The following COL25A1 variants were observed in gnomAD, a reference collection of about 807,000 sequenced individuals.
The protein encoded by COL25A1 is collagen type XXV alpha 1 chain.
Under a neutral mutation model 128.4 loss-of-function variants are expected in COL25A1, and 103 were observed. The observed-to-expected ratio is 0.80, with a 90% CI of 0.68 to 0.94. The LOEUF is 0.94. Ranked by LOEUF, COL25A1 falls within the 40% of genes least tolerant of loss-of-function variation. The pLI is 0.00. For synonymous variants in COL25A1, 279 were observed against 277.2 expected (o/e 1.01, Z -0.06); for missense variants, 745 against 840.0 (o/e 0.89, Z 1.40).
At chr4:108,941,861 C>T (rs1230744428) in intron 8 of COL25A1, among the ~76,000 whole-genome samples, 1 of 152,144 alleles carries the variant, frequency 6.6e-6, no homozygotes, top group African/African-American at 2.4e-5. Context: ...TTATTGACGC[C>T]TGAAGTCCAG....
At chr4:109,045,871 G>A (rs972427707) in intron 5 of COL25A1, among the ~76,000 whole-genome samples, 19 of 151,890 alleles carry the variant, frequency 1.3e-4, no homozygotes, top group African/African-American at 4.6e-4. Flanking sequence ...AGTCAAGGTG[G>A]GACAGTATCA....
intron 3 of COL25A1, among the ~76,000 whole-genome samples, chr4:109,090,662 T>G (rs1023698741): frequency 6.6e-6 from 1 of 152,206 alleles, no homozygotes; most frequent in Non-Finnish European, 1.5e-5. Context: ...CTTTACTACT[T>G]AGTTTCACCC....
chr4:109,076,149 G>C (rs1168177746), intron 3 of COL25A1, among the ~76,000 whole-genome samples: 2 of 152,108 alleles, frequency 1.3e-5, no homozygotes, highest in Admixed American at 6.5e-5. Flanking sequence ...TCAGAAACTT[G>C]AGCATCCATG....
At chr4:109,096,977 A>G (rs1206851942) in intron 3 of COL25A1, among the ~76,000 whole-genome samples, 2 of 152,220 alleles carry the variant, frequency 1.3e-5, no homozygotes, top group African/African-American at 4.8e-5. Flanking sequence ...AGCAGGTTGT[A>G]TAAGGTAGGA....
At chr4:108,824,728 T>A (rs977367583) in intron 34 of COL25A1, among the ~76,000 whole-genome samples, 1 of 152,210 alleles carries the variant, frequency 6.6e-6, no homozygotes. Context: ...TGATTGTGTC[T>A]AGAGGCATTT....
intron 3 of COL25A1, among the ~76,000 whole-genome samples, chr4:109,095,032 C>T (rs1162605311): frequency 2.6e-5 from 4 of 152,200 alleles, no homozygotes; most frequent in African/African-American, 9.6e-5. Flanking sequence ...TAACCAACCA[C>T]CATTAGTTGC....
chr4:109,059,229 G>T (rs971511859), intron 3 of COL25A1, among the ~76,000 whole-genome samples: 2 of 152,170 alleles, frequency 1.3e-5, no homozygotes, highest in Non-Finnish European at 2.9e-5. Flanking sequence ...CTAGTTGTGT[G>T]ATCTCAATAC....
Position 108,854,143 on chromosome 4 carries a change from G to T in COL25A1, c.1321-1218C>A, listed in dbSNP as rs1736176634. 2.0e-5 allele frequency: 3 copies of T among 152,172 alleles called. No homozygotes were observed. In the South Asian group the frequency reaches 6.2e-4, roughly 31 times the overall value. The allele number at this position is 152,172 out of a possible 1,614,324, so 9.4% of individuals were successfully genotyped here. A position where few individuals can be genotyped will look rare whatever the true frequency, so the allele number is the denominator to read the frequency against. ...AAGGATTTCCTATTTAATAAATGGT[G>T]TTGGGAAAACTGGCTAGCCATATGC... On this transcript the variant is annotated intron_variant, in intron 24 of 37. Transcript: ENST00000399132.
At chr4:109,263,543 A>C (rs1781582686) in intron 3 of COL25A1, among the ~76,000 whole-genome samples, 1 of 152,216 alleles carries the variant, frequency 6.6e-6, no homozygotes, top group Non-Finnish European at 1.5e-5. Context: ...TAAGTTAAAT[A>C]TTAGAAAGAA....
intron 6 of COL25A1, among the ~76,000 whole-genome samples, chr4:109,000,118 T>TA (rs925214663): frequency 4.7e-5 from 7 of 149,010 alleles, no homozygotes; most frequent in East Asian, 2.0e-4. Flanking sequence ...AGTATAACAA[T>TA]AAAAAAAAGC....
chr4:108,964,220 A>G (rs956549768), intron 8 of COL25A1, among the ~76,000 whole-genome samples: 49 of 151,802 alleles, frequency 3.2e-4, no homozygotes, highest in African/African-American at 1.0e-3. Context: ...TCCAATCGTT[A>G]TTTAAACTGG....
Position 109,093,135 on chromosome 4 carries a change from A to G in COL25A1, c.368-42956T>C, listed in dbSNP as rs184240850. 1.6e-4 allele frequency among the ~76,000 whole-genome samples: 25 copies of G among 152,294 alleles called. No homozygotes were observed. In the East Asian group the frequency reaches 4.6e-3, roughly 28 times the overall value. On this transcript the variant is annotated intron_variant, in intron 3 of 37. Transcript: ENST00000399132. ...TCTTAAACCCGGAGATCTTCCAAGC[A>G]CATGTGCAGTTCAAATGATAAAAGG...
At chr4:108,993,230 C>T (rs890978611) in intron 6 of COL25A1, among the ~76,000 whole-genome samples, 4 of 152,182 alleles carry the variant, frequency 2.6e-5, no homozygotes, top group Admixed American at 6.6e-5. Context: ...CTACCCTCTG[C>T]TTCTGTAAGA....
chr4:108,962,828 C>G (rs141747028), intron 8 of COL25A1, among the ~76,000 whole-genome samples: 1 of 152,238 alleles, frequency 6.6e-6, no homozygotes, highest in African/African-American at 2.4e-5. Context: ...CAACATTTTT[C>G]AAGCAAAGTT....
At chr4:108,885,061 G>A (rs1740620352) in intron 18 of COL25A1, among the ~76,000 whole-genome samples, 1 of 152,190 alleles carries the variant, frequency 6.6e-6, no homozygotes, top group Non-Finnish European at 1.5e-5. Flanking sequence ...TTGGATTGAA[G>A]TGATTATTTT....
chr4:109,283,489 C>T (rs1723582861), intron 3 of COL25A1, among the ~76,000 whole-genome samples: 1 of 151,944 alleles, frequency 6.6e-6, no homozygotes, highest in South Asian at 2.1e-4. Context: ...TCTCAAACTC[C>T]TGGGCTTAAG....
chr4:109,101,629 T>A (rs1765901035), intron 3 of COL25A1, among the ~76,000 whole-genome samples: 1 of 152,172 alleles, frequency 6.6e-6, no homozygotes, highest in Non-Finnish European at 1.5e-5. Flanking sequence ...CACCAATTCC[T>A]TTTCTCCAGA....
At chr4:108,880,478 T>C (rs1739986201) in intron 19 of COL25A1, among the ~76,000 whole-genome samples, 1 of 152,162 alleles carries the variant, frequency 6.6e-6, no homozygotes, top group Admixed American at 6.5e-5. Flanking sequence ...TGAGGAAAAA[T>C]TGTATAGAAC....
intron 8 of COL25A1, among the ~76,000 whole-genome samples, chr4:108,960,565 A>G (rs1464717260): frequency 2.6e-5 from 4 of 152,146 alleles, no homozygotes; most frequent in Non-Finnish European, 4.4e-5. Flanking sequence ...GAAAAATTAC[A>G]AAGTGCTGCT....
Sources: allele counts gnomAD v4.1 joint callset (sites outside exome capture counted in the v4.1 genomes callset), GRCh38; gene constraint gnomAD v4.1.1; transcripts MANE v1.5; gene names NCBI Gene and HGNC (gene_info 2026-07-23, HGNC 2026-07-21).